The following ATP6V1H variants were observed in gnomAD, a reference collection of about 807,000 sequenced individuals.
ATP6V1H encodes ATPase H+ transporting V1 subunit H, also known as V-type proton ATPase subunit H.
A neutral mutation model predicts 71.7 loss-of-function variants in ATP6V1H; 39 were observed. The ratio of observed to expected loss-of-function variants is 0.54; its 90% CI spans 0.42 to 0.71. The LOEUF is 0.71. Among genes scored for constraint, ATP6V1H ranks in the 30% least tolerant of loss-of-function variants. The pLI is 0.00. For synonymous variants in ATP6V1H, 192 were observed against 199.3 expected, an observed-to-expected ratio of 0.96 and a Z score of 0.31; for missense variants, 509 against 594.9, an observed-to-expected ratio of 0.86 and a Z score of 1.50.
chr8:53,789,495 A>C (rs910301982), intron 9 of ATP6V1H, among the ~76,000 whole-genome samples: 1 of 152,178 alleles, frequency 6.6e-6, no homozygotes, highest in Admixed American at 6.5e-5. Context: ...AAAGAAAAAA[A>C]ATTATTAATA....
In ATP6V1H at chr8:53,759,928, T is replaced by C. The variant is rs142962536; in HGVS notation, c.1176-3272A>G. The stretch of plus-strand genomic sequence containing the variant: ...TCCACAGATAAAAGGAAGACCAGTA[T>C]GCATGATGCTTTTTAAACAGCAGAA... On this transcript the variant is annotated intron_variant, in intron 11 of 13. Coordinates refer to ENST00000359530, the MANE Select transcript of ATP6V1H (RefSeq NM_015941.4). 3.9e-3 allele frequency among the ~76,000 whole-genome samples: 588 copies of C among 152,372 alleles called. 4 individuals carry two copies. Among genetic ancestry groups the C allele is most frequent in the African/African-American group, 0.011 (449 of 41,592 alleles).
intron 7 of ATP6V1H, among the ~76,000 whole-genome samples, chr8:53,806,383 G>C (rs1010265957): frequency 6.6e-6 from 1 of 151,940 alleles, no homozygotes; most frequent in Non-Finnish European, 1.5e-5. Context: ...TCTTGAAGTT[G>C]GCTGATTAAA....
intron 7 of ATP6V1H, among the ~76,000 whole-genome samples, chr8:53,804,912 T>A (rs1169523773): frequency 1.3e-5 from 2 of 152,222 alleles, no homozygotes; most frequent in Non-Finnish European, 2.9e-5. Flanking sequence ...AAGCTCTTAC[T>A]ATATTACAGT....
intron 11 of ATP6V1H, among the ~76,000 whole-genome samples, chr8:53,757,943 A>G (rs1808132673): frequency 6.6e-6 from 1 of 152,246 alleles, no homozygotes; most frequent in South Asian, 2.1e-4. Context: ...AAAGGTATAT[A>G]AAGATGTAGG....
At chr8:53,828,414 G>C (rs141236944) in intron 4 of ATP6V1H, among the ~76,000 whole-genome samples, 1 of 152,284 alleles carries the variant, frequency 6.6e-6, no homozygotes, top group African/African-American at 2.4e-5. Flanking sequence ...ATAGATATGA[G>C]CATATGGACA....
At chr8:53,818,276 A>AT (rs1283318084) in intron 4 of ATP6V1H, among the ~76,000 whole-genome samples, 3 of 152,084 alleles carry the variant, frequency 2.0e-5, no homozygotes, top group Non-Finnish European at 4.4e-5. Context: ...TTATTTATTT[A>AT]TTTTATTTCC....
At chr8:53,817,595 G>A (rs1810493077) in intron 4 of ATP6V1H, 65 bp from the exon 5 acceptor site, 3 of 984,358 alleles carry the variant, frequency 3.0e-6, no homozygotes, top group Admixed American at 2.1e-5. Flanking sequence ...TAACGACTGT[G>A]CACCACTTCT....
chr8:53,746,263 A>C (rs1288646660), intron 12 of ATP6V1H, among the ~76,000 whole-genome samples: 1 of 150,070 alleles, frequency 6.7e-6, no homozygotes, highest in East Asian at 1.9e-4. Flanking sequence ...TATTATGTTT[A>C]TTTCTTTTTT....
At chr8:53,829,628 G>A (rs1439539338) in intron 3 of ATP6V1H, 95 bp from the exon 4 acceptor site, 1 of 739,824 alleles carries the variant, frequency 1.4e-6, no homozygotes, top group Non-Finnish European at 2.1e-6. Flanking sequence ...CATAAATTAG[G>A]ATACAAATAT....
At chr8:53,753,063 C>T (rs1262185625) in intron 12 of ATP6V1H, among the ~76,000 whole-genome samples, 4 of 149,472 alleles carry the variant, frequency 2.7e-5, no homozygotes, top group African/African-American at 7.3e-5. Context: ...AACCCTATAA[C>T]CATGAGAGAA....
intron 9 of ATP6V1H, among the ~76,000 whole-genome samples, chr8:53,772,903 C>CAAAAAA (rs201949406): frequency 2.3e-3 from 134 of 59,012 alleles, no homozygotes; most frequent in Non-Finnish European, 3.3e-3. Flanking sequence ...CTATCAAATG[C>CAAAAAA]AAAAAAAAAA....
chr8:53,760,452 T>G (rs1808230627), intron 11 of ATP6V1H, among the ~76,000 whole-genome samples: 1 of 152,122 alleles, frequency 6.6e-6, no homozygotes, highest in African/African-American at 2.4e-5. Flanking sequence ...AAACCCCAAG[T>G]CAAGGGCAGA....
At chr8:53,809,197 G>A (rs761075272) in intron 7 of ATP6V1H, among the ~76,000 whole-genome samples, 2 of 152,086 alleles carry the variant, frequency 1.3e-5, no homozygotes, top group Admixed American at 6.6e-5. Context: ...CATAAAATGC[G>A]GCTAATGATA....
intron 13 of ATP6V1H, among the ~76,000 whole-genome samples, chr8:53,721,824 A>G (rs1272148383): frequency 6.6e-6 from 1 of 152,228 alleles, no homozygotes; most frequent in Admixed American, 6.5e-5. Flanking sequence ...TATTTTCATA[A>G]TCACTAGACA....
chr8:53,780,146 G>T (rs1190957601), intron 9 of ATP6V1H, among the ~76,000 whole-genome samples: 1 of 145,172 alleles, frequency 6.9e-6, no homozygotes, highest in Non-Finnish European at 1.5e-5. Flanking sequence ...GTGACAGGGT[G>T]AGACTCCATC....
At chr8:53,741,850 C>G (rs1807423927) in intron 13 of ATP6V1H, among the ~76,000 whole-genome samples, 1 of 152,116 alleles carries the variant, frequency 6.6e-6, no homozygotes, top group South Asian at 2.1e-4. Flanking sequence ...TGAATCTACC[C>G]CAAGTCCATC....
intron 13 of ATP6V1H, among the ~76,000 whole-genome samples, chr8:53,724,577 T>TCCTCCCCCCTCCCC (rs1806739989): frequency 1.8e-5 from 1 of 54,358 alleles, no homozygotes; most frequent in Non-Finnish European, 3.8e-5. Context: ...CACCCCTCCC[T>TCCTCCCCCCTCCCC]CCTCCCCCCT....
chr8:53,806,812 T>G, intron 7 of ATP6V1H: 1 of 453,006 alleles, frequency 2.2e-6, no homozygotes, highest in South Asian at 1.6e-5. Context: ...CAAAGCCCAT[T>G]TTATAATCAA....
At chr8:53,813,337 C>A (rs1810347228) in intron 6 of ATP6V1H, among the ~76,000 whole-genome samples, 2 of 152,240 alleles carry the variant, frequency 1.3e-5, no homozygotes, top group Non-Finnish European at 2.9e-5. Context: ...AGGCAGGCAA[C>A]AAGACAAAAA....
Sources: allele counts gnomAD v4.1 joint callset (sites outside exome capture counted in the v4.1 genomes callset), GRCh38; gene constraint gnomAD v4.1.1; transcripts MANE v1.5; gene names NCBI Gene and HGNC (gene_info 2026-07-23, HGNC 2026-07-21).